The following GRID2 variants were observed in gnomAD, a reference collection of about 807,000 sequenced individuals.
GRID2 encodes the protein glutamate receptor ionotropic, delta-2.
A neutral mutation model predicts 114.8 loss-of-function variants in GRID2; 33 were observed. That is an observed-to-expected ratio of 0.29 (90% CI 0.22 to 0.38). The LOEUF (loss-of-function observed/expected upper bound fraction) is 0.38, where lower values mean the gene tolerates loss of function less well. GRID2 is among the 10% of genes least tolerant of loss of function. GRID2 has a pLI of 1.00. For missense variants in GRID2, 1,184 were observed against 1,257.7 expected (o/e 0.94, Z 0.89); for synonymous variants, 505 against 449.9 (o/e 1.12, Z -1.55).
At chr4:92,611,959 T>C (rs1439891227) in intron 2 of GRID2, among the ~76,000 whole-genome samples, 3 of 151,562 alleles carry the variant, frequency 2.0e-5, no homozygotes, top group Non-Finnish European at 4.4e-5. Context: ...CCCCCTATTT[T>C]CTTAGTGGAG....
chr4:92,871,051 C>T (rs1184148776), intron 2 of GRID2, among the ~76,000 whole-genome samples: 1 of 152,068 alleles, frequency 6.6e-6, no homozygotes, highest in Non-Finnish European at 1.5e-5. Flanking sequence ...CCCCTACACC[C>T]CATTTCTCTC....
chr4:93,601,509 A>G (rs984018468), intron 13 of GRID2, among the ~76,000 whole-genome samples: 2 of 152,200 alleles, frequency 1.3e-5, no homozygotes, highest in African/African-American at 4.8e-5. Flanking sequence ...AATCCTGATA[A>G]CACCAACAGC....
chr4:93,208,127 A>T (rs911796231), intron 5 of GRID2, among the ~76,000 whole-genome samples: 2 of 151,924 alleles, frequency 1.3e-5, no homozygotes, highest in South Asian at 4.1e-4. Flanking sequence ...CCTCAACAAG[A>T]TGTAGTACTT....
chr4:92,858,662 ATTC>A (rs1481196125), intron 2 of GRID2, among the ~76,000 whole-genome samples: 1 of 152,080 alleles, frequency 6.6e-6, no homozygotes. Flanking sequence ...GGTTCACGCT[ATTC>A]TTCTACCTCA....
chr4:92,986,326 T>A (rs1331388699), intron 2 of GRID2, among the ~76,000 whole-genome samples: 1 of 152,132 alleles, frequency 6.6e-6, no homozygotes, highest in East Asian at 1.9e-4. Flanking sequence ...ATATTTTCAA[T>A]AAAGAGTCTA....
intron 13 of GRID2, among the ~76,000 whole-genome samples, chr4:93,582,596 G>A (rs553720906): frequency 2.2e-4 from 33 of 152,196 alleles, no homozygotes; most frequent in Admixed American, 4.6e-4. Flanking sequence ...GAGAAGTAGC[G>A]ATCATCTCAG....
intron 8 of GRID2, among the ~76,000 whole-genome samples, chr4:93,266,303 G>A (rs1382394999): frequency 6.6e-6 from 1 of 152,078 alleles, no homozygotes; most frequent in Non-Finnish European, 1.5e-5. Flanking sequence ...ATATTTCATA[G>A]AAGGCTAATT....
intron 2 of GRID2, among the ~76,000 whole-genome samples, chr4:92,615,001 A>G (rs1277543336): frequency 1.3e-5 from 2 of 149,098 alleles, no homozygotes; most frequent in Non-Finnish European, 3.0e-5. Flanking sequence ...ATCTGCTGTT[A>G]ATTATCTTAG....
chr4:93,767,915 A>G (rs1385190855), intron 14 of GRID2, among the ~76,000 whole-genome samples: 1 of 152,178 alleles, frequency 6.6e-6, no homozygotes, highest in Non-Finnish European at 1.5e-5. Context: ...TTGATATAAT[A>G]TATTCTATGT....
Position 93,562,872 on chromosome 4 carries a change from A to G in GRID2, c.2193+47461A>G, listed in dbSNP as rs116444994. Among the ~76,000 whole-genome samples, 1,007 of 152,066 alleles carry G rather than the reference A, an allele frequency of 6.6e-3. 9 individuals are homozygous for G. Among genetic ancestry groups the G allele is most frequent in the South Asian group, 0.022 (107 of 4,824 alleles). On this transcript the variant is annotated intron_variant, in intron 13 of 15. Coordinates refer to ENST00000282020, the MANE Select transcript of GRID2 (RefSeq NM_001510.4). ...ATGTGAGTCTATATCTGGGCTCTCTATTCTGTTCTATTGATCTCTCTGTGC... is the reference window on the plus strand; with the variant it reads ...ATGTGAGTCTATATCTGGGCTCTCTGTTCTGTTCTATTGATCTCTCTGTGC...
Position 93,307,939 on chromosome 4 carries a change from ATT to A in GRID2, c.1245+69459_1245+69460del, listed in dbSNP as rs60212324. Among the ~76,000 whole-genome samples the A allele has an allele frequency of 1.4e-3, 208 of 147,562 alleles. 1 individual carries two copies. Among genetic ancestry groups the A allele is most frequent in the African/African-American group, 4.6e-3 (181 of 39,606 alleles). ...TACCTATTGTATTAATTTCTTTCTG[ATT>A]TTTTTTTTTAAAAACTTTTATTACC... On this transcript the variant is annotated intron_variant, in intron 8 of 15. Coordinates refer to ENST00000282020, the MANE Select transcript of GRID2 (RefSeq NM_001510.4).
chr4:92,983,504 C>A (rs1476877742), intron 2 of GRID2, among the ~76,000 whole-genome samples: 1 of 152,080 alleles, frequency 6.6e-6, no homozygotes, highest in Non-Finnish European at 1.5e-5. Flanking sequence ...GATGCATTTA[C>A]ATCATTTGAC....
At chr4:93,209,369 G>A (rs896606401) in intron 5 of GRID2, among the ~76,000 whole-genome samples, 10 of 152,112 alleles carry the variant, frequency 6.6e-5, no homozygotes, top group South Asian at 2.1e-4. Flanking sequence ...CTGTTTCTGC[G>A]TTAGTTCGCT....
intron 2 of GRID2, among the ~76,000 whole-genome samples, chr4:92,633,059 A>T (rs1020663796): frequency 2.0e-5 from 3 of 152,202 alleles, no homozygotes; most frequent in Non-Finnish European, 2.9e-5. Flanking sequence ...AATCTTTGTC[A>T]GTGAACATGC....
chr4:93,806,392 G>T (rs897550178), intron 1 of GRID2, among the ~76,000 whole-genome samples: 1 of 152,124 alleles, frequency 6.6e-6, no homozygotes, highest in Non-Finnish European at 1.5e-5. Context: ...TTATTTTCTG[G>T]TGAAGATATT....
intron 1 of GRID2, among the ~76,000 whole-genome samples, chr4:92,549,392 C>T (rs952104354): frequency 6.6e-6 from 1 of 152,110 alleles, no homozygotes. Flanking sequence ...GTCTTCTTCT[C>T]TCTAGGAAGT....
intron 1 of GRID2, among the ~76,000 whole-genome samples, chr4:92,478,650 C>T (rs1560658393): frequency 6.6e-6 from 1 of 152,104 alleles, no homozygotes; most frequent in Non-Finnish European, 1.5e-5. Flanking sequence ...TAGTTTTGAT[C>T]ACCATGCTGT....
intron 14 of GRID2, among the ~76,000 whole-genome samples, chr4:93,764,671 G>T (rs1438387917): frequency 6.6e-6 from 1 of 152,074 alleles, no homozygotes; most frequent in African/African-American, 2.4e-5. Context: ...TCCAAAAAGA[G>T]ATTTTAGCCG....
chr4:92,531,253 TAGG>T (rs1245977789), intron 1 of GRID2, among the ~76,000 whole-genome samples: 1 of 151,982 alleles, frequency 6.6e-6, no homozygotes, highest in Admixed American at 6.6e-5. Flanking sequence ...TATGCATAAT[TAGG>T]AGGAGAAAAT....
Sources: gnomAD v4.1 joint callset for allele counts (sites outside exome capture counted in the v4.1 genomes callset) on GRCh38, gnomAD v4.1.1 for gene constraint, MANE v1.5 for transcripts, NCBI Gene and HGNC (gene_info 2026-07-23, HGNC 2026-07-21) for gene names.